Variants in UHRF1 observed in about 807,000 individuals in gnomAD.
The protein encoded by UHRF1 is ubiquitin like with PHD and ring finger domains 1.
UHRF1 carries 9 observed loss-of-function variants against 96.5 expected under a neutral mutation model. That is an observed-to-expected ratio of 0.09 (90% confidence interval 0.06 to 0.16). The LOEUF (loss-of-function observed/expected upper bound fraction) is 0.16. Among genes scored for constraint, UHRF1 ranks in the 10% least tolerant of loss-of-function variants. UHRF1 has a pLI of 1.00. For missense variants in UHRF1, 626 were observed against 1,131.1 expected, an observed-to-expected ratio of 0.55 and a Z score of 6.40; for synonymous variants, 455 against 469.9, an observed-to-expected ratio of 0.97 and a Z score of 0.41.
chr19:4,941,736 C>A lies in UHRF1; in HGVS notation c.887-9C>A. 6.5e-7 allele frequency: 1 copy of A among 1,547,540 alleles called. No individual in the cohort carries two copies. Among genetic ancestry groups the A allele is most frequent in the Non-Finnish European group, 8.7e-7 (1 of 1,145,382 alleles). ...CCCGCCGGAGCTGACCCTGCCGCCC[C>A]GTGCCCAGGGAAGAGCGGGCCGTCC... is the stretch of plus-strand genomic sequence containing the variant. On this transcript the variant is annotated splice_polypyrimidine_tract_variant and intron_variant, in intron 6 of 16. Transcript: ENST00000650932.
In UHRF1 at chr19:4,954,476, C is replaced by T. The variant is rs749942545; in HGVS notation, c.1945C>T (p.Arg649Trp). 15 of 1,608,484 alleles carry T rather than the reference C, an allele frequency of 9.3e-6. No individual in the cohort carries two copies. The highest frequency in any genetic ancestry group is 4.5e-5 in the East Asian group (2 of 44,708). ...CAGGACGGGCAAGGGCAAGTGGAAG[C>T]GGAAGTCGGCAGGTGAGAATCTCGT... ...SPRTGKGKWK[R>W]KSAGGGPSRA... Residue 649 changes from arginine (R) to tryptophan (W), a missense_variant, in exon 14 of 17, where the codon CGG (arginine) becomes TGG (tryptophan). Coordinates refer to ENST00000650932, the MANE Select transcript of UHRF1 (RefSeq NM_001048201.3). This position sits in a 1 kb window ranked among gnomAD's most constrained non-coding sequence, Gnocchi z 5.9.
intron 13 of UHRF1, among the ~76,000 whole-genome samples, chr19:4,953,753 T>C (rs2033780897): frequency 6.6e-6 from 1 of 152,126 alleles, no homozygotes; most frequent in Non-Finnish European, 1.5e-5. Flanking sequence ...TAATAAAAAT[T>C]AGAATGTTTA....
intron 5 of UHRF1, among the ~76,000 whole-genome samples, chr19:4,940,909 A>G (rs1488612638): frequency 6.9e-6 from 1 of 145,966 alleles, no homozygotes; most frequent in African/African-American, 2.6e-5. Context: ...CTGACCTCAG[A>G]TGATCGGCCT....
Position 4,910,881 on chromosome 19 carries a change from A to C in UHRF1, c.-5A>C. On this transcript the variant is annotated 5_prime_UTR_variant, in exon 2 of 17. Transcript: ENST00000650932. The stretch of plus-strand genomic sequence containing the variant: ...TTTGCTGTCCCTCCCCTCAGCGCCG[A>C]CACCATGTGGATCCAGGTTCGGACC... 1 of 1,607,264 alleles carries C rather than the reference A, an allele frequency of 6.2e-7. No homozygotes were observed. The highest frequency in any genetic ancestry group is 8.5e-7 in the Non-Finnish European group (1 of 1,175,556).
rs200444522 is a variant in UHRF1 at position 4,938,519 on chromosome 19, G to GT, written c.786-3000dup. Among the ~76,000 whole-genome samples, 43 of 150,760 alleles carry GT rather than the reference G, an allele frequency of 2.9e-4. 1 individual carries two copies. The highest frequency in any genetic ancestry group is 3.4e-3 in the Middle Eastern group (1 of 294). On this transcript the variant is annotated intron_variant, in intron 5 of 16. Coordinates refer to ENST00000650932, the MANE Select transcript of UHRF1 (RefSeq NM_001048201.3). ...TTATTTGTACAGCAAGAATAAGACAGTTTTTTTTTGTTTGTTTGTTTGTTT... is the reference window on the plus strand; with the variant it reads ...TTATTTGTACAGCAAGAATAAGACAGTTTTTTTTTTGTTTGTTTGTTTGTTT...
chr19:4,950,806 T>C (rs1487382840), intron 12 of UHRF1, 33 bp downstream of exon 12: 1 of 1,613,858 alleles, frequency 6.2e-7, no homozygotes, highest in East Asian at 2.2e-5. Context: ...GGGGGCTCTG[T>C]CCCCGCCGGG....
intron 2 of UHRF1, among the ~76,000 whole-genome samples, chr19:4,919,943 G>A (rs1468989063): frequency 1.3e-5 from 2 of 151,594 alleles, no homozygotes; most frequent in South Asian, 2.1e-4. Context: ...TCAGCCTCCC[G>A]AGTAGCTGGG....
intron 1 of UHRF1, chr19:4,910,007 G>A: frequency 5.4e-6 from 1 of 185,470 alleles, no homozygotes; most frequent in South Asian, 1.8e-4. Context: ...GAGTTCCCCG[G>A]GAGCATCTGG....
chr19:4,909,701 C>T (rs1436913405), intron 1 of UHRF1, 46 bp downstream of exon 1: 6 of 504,872 alleles, frequency 1.2e-5, no homozygotes, highest in Non-Finnish European at 2.1e-5. Context: ...GCCGGGCGCA[C>T]GGGGCTCGGG....
chr19:4,910,206 G>C (rs1022487544), intron 1 of UHRF1: 55 of 151,600 alleles, frequency 3.6e-4, no homozygotes, highest in African/African-American at 1.3e-3. Flanking sequence ...CGAGGGTCCA[G>C]GGTTTGGAGG....
At chr19:4,918,323 C>T (rs1428936109) in intron 2 of UHRF1, among the ~76,000 whole-genome samples, 3 of 151,676 alleles carry the variant, frequency 2.0e-5, no homozygotes, top group South Asian at 2.1e-4. Flanking sequence ...GGTTTCACCA[C>T]GTTGGCCAGG....
chr19:4,913,586 C>T (rs2032370479), intron 2 of UHRF1, among the ~76,000 whole-genome samples: 1 of 151,944 alleles, frequency 6.6e-6, no homozygotes, highest in African/African-American at 2.4e-5. Context: ...GTCAGGATGT[C>T]CGCAGTGATG....
At chr19:4,922,723 G>A (rs1483806881) in intron 2 of UHRF1, among the ~76,000 whole-genome samples, 12 of 152,224 alleles carry the variant, frequency 7.9e-5, no homozygotes, top group South Asian at 2.1e-4. Context: ...TTCCAGAAGC[G>A]GCATCAGGAG....
rs2032974532 is a variant in UHRF1, at chr19:4,929,346, C to G, written c.278C>G (p.Thr93Ser). Residue 93 changes from threonine to serine, a missense_variant, in exon 3 of 17, where the codon ACC becomes AGC. Thr to Ser is a moderately conservative substitution (Grantham distance 58, BLOSUM62 1). This residue lies in a region of UHRF1 where 53 missense variants were observed against 95.9 expected (regional missense o/e 0.55). Coordinates refer to ENST00000650932, the MANE Select transcript of UHRF1 (RefSeq NM_001048201.3). ...GAGCGGGACTCCGAGCTCTCCGACACCGACTCCGGCTGCTGCCTGGGCCAG... is the reference window on the plus strand; with the variant it reads ...GAGCGGGACTCCGAGCTCTCCGACAGCGACTCCGGCTGCTGCCTGGGCCAG... ...TKERDSELSD[T>S]DSGCCLGQSE... 1.2e-6 allele frequency: 2 copies of G among 1,613,582 alleles called. No individual in the cohort carries two copies. The highest frequency in any genetic ancestry group is 1.7e-6 in the Non-Finnish European group (2 of 1,179,900).
At chr19:4,927,380 CAAAAAA>C (rs35783129) in intron 2 of UHRF1, among the ~76,000 whole-genome samples, 2 of 83,488 alleles carry the variant, frequency 2.4e-5, no homozygotes, top group Non-Finnish European at 4.5e-5. Context: ...GACTCCATCT[CAAAAAA>C]AAAAAAAAAA....
At chr19:4,937,964 A>G (rs1010359651) in intron 5 of UHRF1, among the ~76,000 whole-genome samples, 6 of 152,146 alleles carry the variant, frequency 3.9e-5, no homozygotes, top group African/African-American at 1.4e-4. Flanking sequence ...CAGCCTGGTC[A>G]ACATGGTGTG....
At chr19:4,924,348 G>A (rs891459732) in intron 2 of UHRF1, among the ~76,000 whole-genome samples, 1 of 151,948 alleles carries the variant, frequency 6.6e-6, no homozygotes, top group Non-Finnish European at 1.5e-5. Context: ...ATGGGGTTTC[G>A]CCGTGTTAGC....
chr19:4,948,937 C>G (rs262551), intron 11 of UHRF1, among the ~76,000 whole-genome samples: 1,430 of 125,134 alleles, frequency 0.011, 29 homozygotes, highest in African/African-American at 0.043. Flanking sequence ...TCCTGGCTAA[C>G]ATGGTGAAAC....
At chr19:4,914,035 G>A (rs765318863) in intron 2 of UHRF1, among the ~76,000 whole-genome samples, 9 of 151,762 alleles carry the variant, frequency 5.9e-5, no homozygotes, top group Non-Finnish European at 1.0e-4. Flanking sequence ...GGCTGGTCTC[G>A]AACTCCCGAC....
Sources: allele counts gnomAD v4.1 joint callset (sites outside exome capture counted in the v4.1 genomes callset), GRCh38; gene constraint gnomAD v4.1.1; regional missense constraint gnomAD v4.1.1; non-coding constraint Gnocchi (gnomAD v3.1); transcripts MANE v1.5; gene names NCBI Gene and HGNC (gene_info 2026-07-23, HGNC 2026-07-21).